Variants in EPHA7 observed in about 807,000 individuals in gnomAD.
EPHA7 encodes the protein EPH receptor A7, also known as ephrin type-A receptor 7.
Under a neutral mutation model 112.6 loss-of-function variants are expected in EPHA7, and 25 were observed. The ratio of observed to expected loss-of-function variants is 0.22; its 90% confidence interval spans 0.16 to 0.31. The LOEUF (loss-of-function observed/expected upper bound fraction) is 0.31. Ranked by LOEUF, EPHA7 falls within the 10% of genes least tolerant of loss-of-function variation. The pLI is 1.00. For synonymous variants in EPHA7, 437 were observed against 406.5 expected (o/e 1.07, Z -0.90); for missense variants, 962 against 1,212.6 (o/e 0.79, Z 3.07).
chr6:93,400,730 G>T (rs983549149), intron 3 of EPHA7, among the ~76,000 whole-genome samples: 1 of 151,906 alleles, frequency 6.6e-6, no homozygotes, highest in African/African-American at 2.4e-5. Context: ...CAGAGCTGGG[G>T]TCTCACTACG....
chr6:93,286,145 T>TAC (rs111975905), intron 5 of EPHA7, among the ~76,000 whole-genome samples: 3,871 of 150,066 alleles, frequency 0.026, 48 homozygotes, highest in African/African-American at 0.032. Flanking sequence ...TGTTTTTCCT[T>TAC]ACACACACAC....
intron 3 of EPHA7, among the ~76,000 whole-genome samples, chr6:93,383,232 T>A: frequency 6.6e-6 from 1 of 151,300 alleles, no homozygotes; most frequent in Middle Eastern, 3.4e-3. Context: ...TATACATATA[T>A]ATAAAATATA....
chr6:93,343,612 G>C (rs995009061), intron 5 of EPHA7, among the ~76,000 whole-genome samples: 3 of 151,668 alleles, frequency 2.0e-5, no homozygotes, highest in Non-Finnish European at 4.4e-5. Flanking sequence ...GCAGGTTCCA[G>C]TTAGTAACTT....
chr6:93,418,835 C>CA (rs1779378297), intron 1 of EPHA7, among the ~76,000 whole-genome samples: 1 of 152,196 alleles, frequency 6.6e-6, no homozygotes, highest in South Asian at 2.1e-4. Flanking sequence ...TCCCAGTCTC[C>CA]AACCCAACTC....
chr6:93,299,336 AAT>A, intron 5 of EPHA7, among the ~76,000 whole-genome samples: 1 of 151,286 alleles, frequency 6.6e-6, no homozygotes, highest in Admixed American at 6.6e-5. Flanking sequence ...AAAAAAATAA[AAT>A]AAAATAAAAT....
chr6:93,255,790 A>G (rs1453375194), intron 13 of EPHA7, 38 bp downstream of exon 13: 7 of 1,545,218 alleles, frequency 4.5e-6, no homozygotes, highest in Non-Finnish European at 6.3e-6. Context: ...GAAAAATCTT[A>G]AGAATATGAA....
chr6:93,389,451 T>G (rs1156543806), intron 3 of EPHA7, among the ~76,000 whole-genome samples: 1 of 152,164 alleles, frequency 6.6e-6, no homozygotes, highest in Non-Finnish European at 1.5e-5. Flanking sequence ...CCTCTGTCTA[T>G]TCGTCTGGAA....
intron 3 of EPHA7, among the ~76,000 whole-genome samples, chr6:93,386,134 ACACATTTATGCCTT>A (rs1777592964): frequency 6.6e-6 from 1 of 152,152 alleles, no homozygotes; most frequent in Non-Finnish European, 1.5e-5. Flanking sequence ...AAATTTCACA[ACACATTTATGCCTT>A]CCCAACAGTT....
chr6:93,377,859 G>T (rs919530533), intron 3 of EPHA7, among the ~76,000 whole-genome samples: 1 of 151,938 alleles, frequency 6.6e-6, no homozygotes, highest in Admixed American at 6.6e-5. Flanking sequence ...TCAGTCATTC[G>T]CTAATTCATT....
rs1252219611 is a variant in EPHA7 at position 93,405,805 on chromosome 6, G to GTA, written c.832+4695_832+4696insTA. Reference sequence around the variant, plus strand: ...TATATGTGTGTGTGTGTGTGTGTGTGTGTGTGTGTATATATATATATATAT... The same window carrying GTA: ...TATATGTGTGTGTGTGTGTGTGTGTGTATGTGTGTGTATATATATATATATAT... On this transcript the variant is annotated intron_variant, in intron 3 of 16. Transcript: ENST00000369303. Among the ~76,000 whole-genome samples, 7 of 64,466 alleles carry GTA rather than the reference G, an allele frequency of 1.1e-4. No homozygotes were observed. In the East Asian group the frequency reaches 3.7e-3, roughly 34 times the overall value. The allele number at this position is 64,466 out of a possible 152,430, so 42.3% of individuals were successfully genotyped here. A position where few individuals can be genotyped will look rare whatever the true frequency, so the allele number is the denominator to read the frequency against.
At chr6:93,322,728 A>G (rs1774135995) in intron 5 of EPHA7, among the ~76,000 whole-genome samples, 1 of 151,640 alleles carries the variant, frequency 6.6e-6, no homozygotes, top group Non-Finnish European at 1.5e-5. Flanking sequence ...ATTGTATCAA[A>G]TAGGGATTAA....
intron 5 of EPHA7, among the ~76,000 whole-genome samples, chr6:93,355,438 C>T (rs754807350): frequency 4.6e-5 from 7 of 152,148 alleles, no homozygotes; most frequent in Non-Finnish European, 1.0e-4. Flanking sequence ...ATAGATTAGT[C>T]TGTGTCCAGG....
chr6:93,329,472 GT>G (rs1334265695), intron 5 of EPHA7, among the ~76,000 whole-genome samples: 1 of 151,356 alleles, frequency 6.6e-6, no homozygotes, highest in Non-Finnish European at 1.5e-5. Flanking sequence ...GCCAAGAACT[GT>G]TCCAAGAATT....
At chr6:93,379,481 A>G (rs974770865) in intron 3 of EPHA7, among the ~76,000 whole-genome samples, 38 of 152,052 alleles carry the variant, frequency 2.5e-4, no homozygotes, top group African/African-American at 8.9e-4. Context: ...AGATACATGA[A>G]GATCAATTTA....
intron 3 of EPHA7, among the ~76,000 whole-genome samples, chr6:93,399,186 T>C (rs1778320945): frequency 6.6e-6 from 1 of 152,090 alleles, no homozygotes; most frequent in Non-Finnish European, 1.5e-5. Flanking sequence ...ACGTAAGAGG[T>C]GCCCACTGTT....
rs183716973 is a variant in EPHA7 at position 93,325,491 on chromosome 6, A to C, written c.1324+31226T>G. ...TTTTCTGTAATTGTAAGCTTTGTTT[A>C]AAATAGTAAAATTTAATATCTATCA... On this transcript the variant is annotated intron_variant, in intron 5 of 16. Transcript: ENST00000369303. 2.6e-4 allele frequency among the ~76,000 whole-genome samples: 40 copies of C among 151,448 alleles called. 1 individual carries two copies. In the East Asian group the frequency reaches 7.8e-3, roughly 29 times the overall value.
At chr6:93,413,326 T>C (rs1386341802) in intron 2 of EPHA7, among the ~76,000 whole-genome samples, 1 of 151,930 alleles carries the variant, frequency 6.6e-6, no homozygotes, top group Admixed American at 6.6e-5. Flanking sequence ...AAATGCCCAT[T>C]TGAGTCCAAG....
chr6:93,331,165 G>A (rs1774573076), intron 5 of EPHA7, among the ~76,000 whole-genome samples: 1 of 151,224 alleles, frequency 6.6e-6, no homozygotes, highest in African/African-American at 2.4e-5. Flanking sequence ...TTATAACTTT[G>A]GCAACAAAAG....
intron 5 of EPHA7, among the ~76,000 whole-genome samples, chr6:93,291,817 T>C (rs1056454567): frequency 1.3e-5 from 2 of 149,422 alleles, no homozygotes; most frequent in Admixed American, 1.3e-4. Context: ...TACCAGGTTA[T>C]GTGTACAAAA....
Sources: allele counts gnomAD v4.1 joint callset (sites outside exome capture counted in the v4.1 genomes callset), GRCh38; gene constraint gnomAD v4.1.1; transcripts MANE v1.5; gene names NCBI Gene and HGNC (gene_info 2026-07-23, HGNC 2026-07-21).